The following ERC1 variants were observed in gnomAD, a reference collection of about 807,000 sequenced individuals.
The protein encoded by ERC1 is RAB6 interacting protein 2.
A neutral mutation model predicts 132.0 loss-of-function variants in ERC1; 56 were observed. That is an observed-to-expected ratio of 0.42 (90% CI 0.34 to 0.53). ERC1 has a LOEUF of 0.53. Among genes scored for constraint, ERC1 ranks in the 20% least tolerant of loss-of-function variants. ERC1 has a pLI of 0.03. For missense variants in ERC1, 1,202 were observed against 1,349.9 expected (o/e 0.89, Z 1.72); for synonymous variants, 478 against 476.1 (o/e 1.00, Z -0.05).
intron 15 of ERC1, among the ~76,000 whole-genome samples, chr12:1,337,966 CA>C (rs1259991197): frequency 2.6e-5 from 4 of 152,174 alleles, no homozygotes; most frequent in African/African-American, 7.2e-5. Flanking sequence ...CTGCCTTTAA[CA>C]TTTTTTTCTT....
chr12:1,314,056 T>G (rs1039983911), intron 15 of ERC1, among the ~76,000 whole-genome samples: 1 of 152,074 alleles, frequency 6.6e-6, no homozygotes, highest in Non-Finnish European at 1.5e-5. Context: ...GTATGGTGAG[T>G]CTATGTTGCT....
At chr12:1,438,909 T>A (rs11061756) in intron 17 of ERC1, among the ~76,000 whole-genome samples, 6,232 of 151,440 alleles carry the variant, frequency 0.041, 204 homozygotes, top group Middle Eastern at 0.14. Context: ...ATCACTGCAC[T>A]CCAGTCTGGG....
Position 1,338,317 on chromosome 12 carries a change from G to C in ERC1, c.2781-33516G>C, listed in dbSNP as rs148622512. 9.2e-5 allele frequency among the ~76,000 whole-genome samples: 14 copies of C among 152,150 alleles called. No individual in the cohort carries two copies. The East Asian group carries it at 2.7e-3, about 29-fold the overall frequency. On this transcript the variant is annotated intron_variant, in intron 15 of 18. Transcript: ENST00000360905. ...GCTCTGAGACACTATCCTCACCTTG[G>C]TCTATTCTGCTGTTAATACTTGTGA...
At chr12:1,409,045 C>G (rs761281957) in intron 17 of ERC1, among the ~76,000 whole-genome samples, 5 of 151,960 alleles carry the variant, frequency 3.3e-5, no homozygotes, top group Non-Finnish European at 7.4e-5. Context: ...GGAAAACTTT[C>G]CTGCTAAACG....
At position 1,418,591 on chromosome 12, in the gene ERC1, C is replaced by T. The variant is rs61913148; in HGVS notation, c.3024+10344C>T. 9.4e-3 allele frequency among the ~76,000 whole-genome samples: 197 copies of T among 20,882 alleles called. 3 individuals carry two copies. The highest frequency in any genetic ancestry group is 0.087 in the East Asian group (13 of 150). The allele number at this position is 20,882 out of a possible 152,430, so 13.7% of individuals were successfully genotyped here. ...TTTCTTTCTTTCTTTCTTTCTTTCT[C>T]TTTCTTTCTTTCTTTCTTTCTTTCT... On this transcript the variant is annotated intron_variant, in intron 17 of 18. Transcript: ENST00000360905.
At chr12:1,475,110 A>G (rs900276224) in intron 18 of ERC1, among the ~76,000 whole-genome samples, 9 of 152,212 alleles carry the variant, frequency 5.9e-5, no homozygotes, top group Non-Finnish European at 7.3e-5. Flanking sequence ...TTCGTATCCT[A>G]TACTTGTCCC....
chr12:1,453,637 C>G (rs1438153220), intron 18 of ERC1, among the ~76,000 whole-genome samples: 1 of 152,170 alleles, frequency 6.6e-6, no homozygotes, highest in Non-Finnish European at 1.5e-5. Context: ...AAAACCTTCT[C>G]TTACCATTTT....
chr12:1,019,421 A>T (rs1009283439), intron 1 of ERC1, among the ~76,000 whole-genome samples: 6 of 152,180 alleles, frequency 3.9e-5, no homozygotes, highest in African/African-American at 1.4e-4. Flanking sequence ...CACCGTGCCC[A>T]GCCAAGACAT....
chr12:1,386,657 A>AG (rs2089401722), intron 16 of ERC1: 1 of 131,162 alleles, frequency 7.6e-6, no homozygotes, highest in African/African-American at 2.8e-5. Context: ...GTCTCAAAAA[A>AG]AAAAAAAACA....
In ERC1 at chr12:1,401,182, T is replaced by C. The variant is rs138164865; in HGVS notation, c.2926-6967T>C. ...ATCTCCTGACCTTGTGATCCGCCCG[T>C]CTCAGCCTTCCAAAGTGCTGGGATT... is the stretch of plus-strand genomic sequence containing the variant. On this transcript the variant is annotated intron_variant, in intron 16 of 18. Coordinates refer to ENST00000360905, the MANE Select transcript of ERC1 (RefSeq NM_178040.4). Among the ~76,000 whole-genome samples the C allele has an allele frequency of 9.8e-3, 1,484 of 151,802 alleles. 15 individuals carry two copies. The highest frequency in any genetic ancestry group is 0.033 in the African/African-American group (1,368 of 41,258).
At chr12:1,058,077 G>A (rs927144453) in intron 2 of ERC1, among the ~76,000 whole-genome samples, 8 of 151,608 alleles carry the variant, frequency 5.3e-5, no homozygotes, top group Non-Finnish European at 1.2e-4. Context: ...TTTATATTCT[G>A]GATATTAGTC....
intron 2 of ERC1, 39 bp downstream of exon 2, chr12:1,028,611 A>G (rs779824945): frequency 3.4e-6 from 5 of 1,477,830 alleles, no homozygotes; most frequent in Middle Eastern, 1.8e-4. Context: ...GGCTGAATTC[A>G]TGTATATAAA....
chr12:1,130,376 A>G (rs779338274), intron 7 of ERC1, among the ~76,000 whole-genome samples: 53 of 152,244 alleles, frequency 3.5e-4, no homozygotes, highest in Non-Finnish European at 6.2e-4. Flanking sequence ...TGTTGATCTT[A>G]GTTCTGATAC....
intron 13 of ERC1, among the ~76,000 whole-genome samples, chr12:1,258,075 T>A (rs1449049551): frequency 6.6e-6 from 1 of 152,166 alleles, no homozygotes; most frequent in East Asian, 1.9e-4. Context: ...AAGAAGAATA[T>A]TTTCTTCTAA....
At chr12:1,244,150 A>G (rs1268284596) in intron 13 of ERC1, among the ~76,000 whole-genome samples, 2 of 152,146 alleles carry the variant, frequency 1.3e-5, no homozygotes, top group African/African-American at 4.8e-5. Flanking sequence ...TTAATATACC[A>G]CGTGATTGAA....
At chr12:1,278,884 A>T (rs2078464421) in intron 14 of ERC1, among the ~76,000 whole-genome samples, 1 of 152,198 alleles carries the variant, frequency 6.6e-6, no homozygotes, top group South Asian at 2.1e-4. Context: ...TAGAATACGG[A>T]TAGCCCTAAA....
At chr12:1,001,085 A>G (rs552583886) in intron 1 of ERC1, among the ~76,000 whole-genome samples, 2 of 152,252 alleles carry the variant, frequency 1.3e-5, no homozygotes, top group South Asian at 2.1e-4. Context: ...TGTTTTTAGT[A>G]GAGATGGAGT....
intron 15 of ERC1, among the ~76,000 whole-genome samples, chr12:1,364,776 G>C (rs2086496771): frequency 6.6e-6 from 1 of 152,140 alleles, no homozygotes; most frequent in African/African-American, 2.4e-5. Flanking sequence ...TAAAATCTTA[G>C]AGTTGAAAAG....
chr12:1,180,736 T>A (rs1954353948), intron 9 of ERC1, 59 bp downstream of exon 9: 3 of 1,594,672 alleles, frequency 1.9e-6, no homozygotes, highest in Non-Finnish European at 2.6e-6. Flanking sequence ...AATCTAAGAC[T>A]GGATATAGAA....
Sources: gnomAD v4.1 joint callset for allele counts (sites outside exome capture counted in the v4.1 genomes callset) on GRCh38, gnomAD v4.1.1 for gene constraint, MANE v1.5 for transcripts, NCBI Gene and HGNC (gene_info 2026-07-23, HGNC 2026-07-21) for gene names.